SLCO2A1: variants seen among roughly 807,000 people sequenced by gnomAD.
SLCO2A1 encodes the protein matrin F/G 1.
A neutral mutation model predicts 71.7 loss-of-function variants in SLCO2A1; 60 were observed. The observed-to-expected ratio is 0.84, with a 90% CI of 0.68 to 1.04. SLCO2A1 has a LOEUF of 1.04. SLCO2A1 is among the 50% of genes least tolerant of loss of function. The pLI, the probability that SLCO2A1 is intolerant of heterozygous loss-of-function variation, is 0.00. For missense variants in SLCO2A1, 745 were observed against 813.4 expected (o/e 0.92, Z 1.02); for synonymous variants, 308 against 326.7 (o/e 0.94, Z 0.62).
At chr3:133,991,018 G>A (rs1934828811) in intron 1 of SLCO2A1, among the ~76,000 whole-genome samples, 1 of 152,082 alleles carries the variant, frequency 6.6e-6, no homozygotes, top group Admixed American at 6.5e-5. Flanking sequence ...GCTGAGGCAG[G>A]AGAATCGCTT....
rs1576462467 is a variant in SLCO2A1, at chr3:134,020,217, G to T, written c.96+9490C>A. ...TGAGCCCTTAAAAAGGACAGGAATT[G>T]CTCACTTAGCGAGCTCGGCTCTTAA... is the stretch of plus-strand genomic sequence containing the variant. On this transcript the variant is annotated intron_variant, in intron 1 of 13. Transcript: ENST00000310926. Among the ~76,000 whole-genome samples, 8 of 152,280 alleles carry T rather than the reference G, an allele frequency of 5.3e-5. 2 individuals are homozygous for T. Among genetic ancestry groups the T allele is most frequent in the Admixed American group, 5.2e-4 (8 of 15,302 alleles).
At chr3:133,970,306 G>A (rs1037924191) in intron 3 of SLCO2A1, among the ~76,000 whole-genome samples, 5 of 152,176 alleles carry the variant, frequency 3.3e-5, no homozygotes, top group African/African-American at 9.7e-5. Flanking sequence ...ACTCAGAGCA[G>A]GGAGGAGGTG....
chr3:134,012,561 C>T (rs1215421379), intron 1 of SLCO2A1, among the ~76,000 whole-genome samples: 1 of 152,178 alleles, frequency 6.6e-6, no homozygotes, highest in Non-Finnish European at 1.5e-5. Flanking sequence ...CCAGGAAGCA[C>T]CATCTTTCAA....
chr3:134,005,193 C>T (rs1935181765), intron 1 of SLCO2A1, among the ~76,000 whole-genome samples: 1 of 152,120 alleles, frequency 6.6e-6, no homozygotes, highest in Admixed American at 6.5e-5. Context: ...TATATTCGTC[C>T]CTCGTCAGTT....
intron 1 of SLCO2A1, among the ~76,000 whole-genome samples, chr3:134,005,225 C>T (rs1446767328): frequency 2.6e-5 from 4 of 152,194 alleles, no homozygotes; most frequent in Non-Finnish European, 4.4e-5. Flanking sequence ...AAACATCTCA[C>T]ATTCTGGCAT....
At chr3:134,007,336 A>G (rs1222602463) in intron 1 of SLCO2A1, among the ~76,000 whole-genome samples, 2 of 152,220 alleles carry the variant, frequency 1.3e-5, no homozygotes, top group African/African-American at 4.8e-5. Context: ...AATACAATTT[A>G]TCTATTTTAA....
chr3:133,960,493 T>C (rs141394883), intron 3 of SLCO2A1, among the ~76,000 whole-genome samples: 47 of 152,294 alleles, frequency 3.1e-4, no homozygotes, highest in African/African-American at 1.1e-3. Context: ...ATGAGGGATC[T>C]AAGAAGTCAA....
Position 133,945,354 on chromosome 3 carries a change from G to A in SLCO2A1, c.1296-94C>T, listed in dbSNP as rs533954120. The A allele has an allele frequency of 1.2e-4, 153 of 1,229,726 alleles. 2 individuals carry two copies. In the South Asian group the frequency reaches 2.1e-3, roughly 17 times the overall value. 76.2% of individuals were successfully genotyped at this position (1,229,726 alleles called of 1,614,324 possible). The stretch of plus-strand genomic sequence containing the variant: ...AGTGTGAGTTCCTGGCCTGGTGAGT[G>A]TGTCTGTGCATCTTTATTTCTTTTG... On this transcript the variant is annotated intron_variant, in intron 9 of 13. Coordinates refer to ENST00000310926, the MANE Select transcript of SLCO2A1 (RefSeq NM_005630.3).
At chr3:134,017,107 C>A (rs1205741871) in intron 1 of SLCO2A1, among the ~76,000 whole-genome samples, 1 of 152,152 alleles carries the variant, frequency 6.6e-6, no homozygotes, top group Non-Finnish European at 1.5e-5. Context: ...TGGAATAGTT[C>A]TGTATCTTGA....
intron 1 of SLCO2A1, among the ~76,000 whole-genome samples, chr3:134,029,452 T>G (rs868407648): frequency 2.0e-5 from 3 of 151,428 alleles, no homozygotes; most frequent in Middle Eastern, 3.2e-3. Flanking sequence ...GTCCCATTAC[T>G]TAGTCCGATG....
At position 133,947,416 on chromosome 3, in the gene SLCO2A1, C is replaced by T; in HGVS notation, c.1135G>A (p.Gly379Arg). The T allele has an allele frequency of 6.2e-7, 1 of 1,613,822 alleles. No homozygotes were observed. Among genetic ancestry groups the T allele is most frequent in the Non-Finnish European group, 8.5e-7 (1 of 1,179,916 alleles). Residue 379 changes from glycine to arginine, a missense_variant, in exon 9 of 14, where the codon GGG becomes AGG. Gly to Arg is a moderately radical substitution (Grantham distance 125). Coordinates refer to ENST00000310926, the MANE Select transcript of SLCO2A1 (RefSeq NM_005630.3). ...ATGAGGATTCCTCCAAACAGCATCC[C>T]CAAGGCTGCAGCAGGGAGGTTCACA... ...GAVNLPAAAL[G>R]MLFGGILMKR...
chr3:133,953,896 T>C (rs1300340020), intron 4 of SLCO2A1, 135 bp from the exon 5 acceptor site: 2 of 681,212 alleles, frequency 2.9e-6, no homozygotes, highest in African/African-American at 3.6e-5. Context: ...ACCTGTGGCA[T>C]CTCCCACCAG....
At chr3:133,960,766 C>T (rs1210311490) in intron 3 of SLCO2A1, among the ~76,000 whole-genome samples, 1 of 152,054 alleles carries the variant, frequency 6.6e-6, no homozygotes, top group Non-Finnish European at 1.5e-5. Flanking sequence ...GAAGCTGGGA[C>T]AGGGTGCCAG....
intron 12 of SLCO2A1, among the ~76,000 whole-genome samples, chr3:133,937,538 G>T (rs1484623200): frequency 6.6e-6 from 1 of 152,214 alleles, no homozygotes; most frequent in African/African-American, 2.4e-5. Context: ...GGAAGCCACT[G>T]CAGGGCGCGG....
Position 133,973,768 on chromosome 3 carries a change from G to A in SLCO2A1, c.292C>T (p.Pro98Ser), listed in dbSNP as rs1559941712. ...AGACCTCCGATGCCAATCAGACGTG[G>A]ACGGTGCACCCGGCTGCCAAAGTAG... ...VSYFGSRVHR[P>S]RLIGIGGLFL... Residue 98 changes from proline to serine, a missense_variant, in exon 3 of 14, where the codon CCA (proline) becomes TCA (serine). By Grantham distance (74) the Pro-to-Ser change is moderately conservative (BLOSUM62 -1). Coordinates refer to ENST00000310926, the MANE Select transcript of SLCO2A1 (RefSeq NM_005630.3). 21 of 1,613,990 alleles carry A rather than the reference G, an allele frequency of 1.3e-5. No individual in the cohort carries two copies. Among genetic ancestry groups the A allele is most frequent in the Non-Finnish European group, 1.8e-5 (21 of 1,180,020 alleles).
intron 3 of SLCO2A1, among the ~76,000 whole-genome samples, chr3:133,957,467 G>A (rs1413225884): frequency 6.6e-6 from 1 of 152,164 alleles, no homozygotes; most frequent in African/African-American, 2.4e-5. Flanking sequence ...AGCTGGTTTG[G>A]GGGTAGAGCT....
At chr3:133,948,460 C>T in intron 8 of SLCO2A1, 76 bp downstream of exon 8, 2 of 1,511,174 alleles carry the variant, frequency 1.3e-6, no homozygotes, top group South Asian at 2.5e-5. Flanking sequence ...TGCGCCCATC[C>T]CTGGATGGGT....
At chr3:133,997,881 T>C (rs1226385328) in intron 1 of SLCO2A1, among the ~76,000 whole-genome samples, 1 of 152,248 alleles carries the variant, frequency 6.6e-6, no homozygotes, top group Non-Finnish European at 1.5e-5. Context: ...AGTTACACTA[T>C]TTATGTTAAG....
intron 1 of SLCO2A1, among the ~76,000 whole-genome samples, chr3:134,001,635 G>A (rs1371358912): frequency 6.6e-6 from 1 of 152,130 alleles, no homozygotes; most frequent in Admixed American, 6.5e-5. Flanking sequence ...AACATCTGCA[G>A]GGTCTGGGTA....
Sources: allele counts gnomAD v4.1 joint callset (sites outside exome capture counted in the v4.1 genomes callset), GRCh38; gene constraint gnomAD v4.1.1; transcripts MANE v1.5; gene names NCBI Gene and HGNC (gene_info 2026-07-23, HGNC 2026-07-21).